RYR1: variants seen among roughly 807,000 people sequenced by gnomAD.
The protein encoded by RYR1 is ryanodine receptor 1.
Under a neutral mutation model 583.5 loss-of-function variants are expected in RYR1, and 342 were observed. The observed-to-expected ratio is 0.59, with a 90% CI of 0.54 to 0.64. The LOEUF is 0.64. RYR1 is among the 30% of genes least tolerant of loss of function. The probability of loss-of-function intolerance (pLI) is 0.00; values close to 1 mark genes in which losing one functional copy is unlikely to be tolerated. For missense variants in RYR1, 6,032 were observed against 6,917.2 expected (o/e 0.87, Z 4.54); for synonymous variants, 2,791 against 2,822.5 (o/e 0.99, Z 0.35).
chr19:38,580,251 G>A (rs1974138869), intron 100 of RYR1, 119 bp from the exon 101 acceptor site: 1 of 1,589,044 alleles, frequency 6.3e-7, no homozygotes, highest in Non-Finnish European at 8.6e-7. Flanking sequence ...CTGAGCCGGG[G>A]GTGTGTGGGG....
chr19:38,442,221 T>TGGGGTG (rs1972720879), intron 2 of RYR1, 128 bp from the exon 3 acceptor site: 1 of 556,974 alleles, frequency 1.8e-6, no homozygotes, highest in Admixed American at 2.7e-5. Context: ...GGCCTTCCTG[T>TGGGGTG]GGGGTGGGGG....
intron 20 of RYR1, 106 bp from the exon 21 acceptor site, chr19:38,463,317 G>C (rs910684597): frequency 1.1e-6 from 1 of 885,488 alleles, no homozygotes; most frequent in Non-Finnish European, 1.8e-6. Context: ...GGGAAAGGGG[G>C]TGCTGGAGGA....
intron 37 of RYR1, among the ~76,000 whole-genome samples, chr19:38,491,855 A>T (rs1275858870): frequency 1.3e-5 from 2 of 151,960 alleles, no homozygotes; most frequent in Non-Finnish European, 2.9e-5. Flanking sequence ...ATAATTTTTT[A>T]TTTCAGTTAT....
chr19:38,508,737 C>T (rs1452226942), intron 58 of RYR1, among the ~76,000 whole-genome samples: 1 of 152,082 alleles, frequency 6.6e-6, no homozygotes, highest in East Asian at 1.9e-4. Flanking sequence ...GTGAGATAAA[C>T]GAGGTCACAG....
intron 57 of RYR1, 145 bp downstream of exon 57, chr19:38,507,097 G>T: frequency 2.2e-6 from 3 of 1,345,144 alleles, no homozygotes; most frequent in South Asian, 2.6e-5. Flanking sequence ...AGCTAAGGGA[G>T]TGGGGCCTGG....
Position 38,561,638 on chromosome 19 carries a change from C to T in RYR1, c.12624+184C>T, listed in dbSNP as rs934995069. 5.3e-5 allele frequency among the ~76,000 whole-genome samples: 8 copies of T among 152,212 alleles called. No homozygotes were observed. The highest frequency in any genetic ancestry group is 1.9e-4 in the African/African-American group (8 of 41,464). On this transcript the variant is annotated intron_variant, in intron 90 of 105. Transcript: ENST00000359596. The surrounding 1 kb of genome is among the most constrained non-coding windows in gnomAD (Gnocchi z 4.8). ...GCTGCGCCCTTGCACATCCCTGGCT[C>T]GCCCCTGGCCACTTCTTGCGGACCT...
At chr19:38,480,930 A>G (rs755474590) in intron 31 of RYR1, among the ~76,000 whole-genome samples, 1 of 151,274 alleles carries the variant, frequency 6.6e-6, no homozygotes, top group Non-Finnish European at 1.5e-5. Context: ...GTCTGGCTAT[A>G]TTGCCCAGCC....
chr19:38,494,416 C>A lies in RYR1; in HGVS notation c.6339C>A (p.Ser2113Arg). 1 of 1,612,132 alleles carries A rather than the reference C, an allele frequency of 6.2e-7. No individual in the cohort carries two copies. Among genetic ancestry groups the A allele is most frequent in the Non-Finnish European group, 8.5e-7 (1 of 1,180,024 alleles). The part of the protein sequence containing the change: ...VRWAQEDFVQ[S>R]PELVRAMFSL... The stretch of plus-strand genomic sequence containing the variant: ...GGGCCCAAGAGGACTTCGTGCAGAG[C>A]CCCGAGCTGGTGCGGGCCATGTTCA... Residue 2113 changes from serine to arginine, a missense_variant, in exon 39 of 106, where the codon AGC (serine) becomes AGA (arginine). Ser to Arg is a moderately radical substitution (Grantham distance 110). Around this residue, in one of 11 missense-constraint regions of RYR1, gnomAD observed 2,627 missense variants for 2,961.3 expected, o/e 0.89. Transcript: ENST00000359596.
At position 38,463,314 on chromosome 19, in the gene RYR1, G is replaced by C. The variant is rs554482501; in HGVS notation, c.2578-109G>C. On this transcript the variant is annotated intron_variant, in intron 20 of 105. Transcript: ENST00000359596. ...GCAGGGCTGCTGGATGGTGGGAAAGGGGGTGCTGGAGGAGCCTCCCAGGGC... is the reference window on the plus strand; with the variant it reads ...GCAGGGCTGCTGGATGGTGGGAAAGCGGGTGCTGGAGGAGCCTCCCAGGGC... 3.1e-3 allele frequency: 2,621 copies of C among 852,962 alleles called. 9 individuals are homozygous for C. The highest frequency in any genetic ancestry group is 5.5e-3 in the Admixed American group (277 of 50,216). 52.8% of individuals were successfully genotyped at this position (852,962 alleles called of 1,614,324 possible).
chr19:38,459,474 C>T, intron 19 of RYR1, 136 bp downstream of exon 19: 2 of 828,252 alleles, frequency 2.4e-6, no homozygotes, highest in East Asian at 2.7e-5. Flanking sequence ...TGTCCAGAAC[C>T]CTTACTTGAA....
At chr19:38,470,154 G>A (rs1305532130) in intron 27 of RYR1, among the ~76,000 whole-genome samples, 6 of 144,438 alleles carry the variant, frequency 4.2e-5, no homozygotes, top group African/African-American at 7.8e-5. Flanking sequence ...CAAGGAGAGC[G>A]AAACTCCATC....
chr19:38,492,411 T>A (rs1969591513), intron 37 of RYR1, 79 bp from the exon 38 acceptor site: 2 of 1,489,664 alleles, frequency 1.3e-6, no homozygotes, highest in Admixed American at 3.4e-5. Flanking sequence ...CATGCACATA[T>A]GCACAAATAA....
intron 20 of RYR1, among the ~76,000 whole-genome samples, chr19:38,461,211 G>A (rs534422531): frequency 1.3e-5 from 2 of 152,174 alleles, no homozygotes; most frequent in African/African-American, 4.8e-5. Flanking sequence ...TGGGGGCCTC[G>A]CGCTTGAGCC....
chr19:38,458,383 C>A, intron 18 of RYR1, 91 bp downstream of exon 18: 2 of 1,334,366 alleles, frequency 1.5e-6, no homozygotes, highest in Non-Finnish European at 2.1e-6. Context: ...TTCTCAGGAT[C>A]CTGACTCCCT....
Position 38,483,586 on chromosome 19 carries a change from G to A in RYR1, c.4934+70G>A. 7.3e-7 allele frequency: 1 copy of A among 1,363,892 alleles called. No homozygotes were observed. The highest frequency in any genetic ancestry group is 1.0e-6 in the Non-Finnish European group (1 of 992,454). The allele number at this position is 1,363,892 out of a possible 1,614,324, so 84.5% of individuals were successfully genotyped here. The stretch of plus-strand genomic sequence containing the variant: ...CCCTCTGGGGTCTGGGTCCCACTCA[G>A]TGCCCCTCCTCAACACAACCCCGGG... On this transcript the variant is annotated intron_variant, in intron 33 of 105. Transcript: ENST00000359596. This position sits in a 1 kb window ranked among gnomAD's most constrained non-coding sequence, Gnocchi z 6.3.
chr19:38,512,710 T>G lies in RYR1; in HGVS notation c.9472+227T>G, dbSNP rs1391041854. ...CTGGCGCAGTGACTCACACCTGTAA[T>G]TCCAGCACTTTGGGAGGCTGAGGCA... On this transcript the variant is annotated intron_variant, in intron 63 of 105. Transcript: ENST00000359596. This position sits in a 1 kb window ranked among gnomAD's most constrained non-coding sequence, Gnocchi z 5.1. Among the ~76,000 whole-genome samples the G allele has an allele frequency of 6.6e-6, 1 of 152,136 alleles. No homozygotes were observed. The highest frequency in any genetic ancestry group is 1.5e-5 in the Non-Finnish European group (1 of 68,026).
intron 29 of RYR1, among the ~76,000 whole-genome samples, chr19:38,476,397 C>T (rs1179850866): frequency 6.6e-6 from 1 of 152,132 alleles, no homozygotes; most frequent in Admixed American, 6.6e-5. Context: ...CGGGGTTTCA[C>T]CATATTGGCC....
chr19:38,475,529 G>A (rs1968678021), intron 29 of RYR1, 79 bp downstream of exon 29: 3 of 1,569,638 alleles, frequency 1.9e-6, no homozygotes. Context: ...TAGTGTGACA[G>A]TCCCCAGTAG....
rs71165560 is a variant in RYR1 at position 38,551,025 on chromosome 19, CTTTTTTTTTTTTTTTTTTTTTTTT to C, written c.12282+2621_12282+2644del. 8.9e-4 allele frequency among the ~76,000 whole-genome samples: 37 copies of C among 41,360 alleles called. 1 individual carries two copies. The highest frequency in any genetic ancestry group is 6.3e-3 in the Admixed American group (17 of 2,700). The allele number at this position is 41,360 out of a possible 152,430, so 27.1% of individuals were successfully genotyped here. On this transcript the variant is annotated intron_variant, in intron 89 of 105. Coordinates refer to ENST00000359596, the MANE Select transcript of RYR1 (RefSeq NM_000540.3). ...CATTTATATCAGTGTGGATTCACGG[CTTTTTTTTTTTTTTTTTTTTTTTT>C]TTTTTTTTTTTTTTTGAGACGGAGT...
Sources: gnomAD v4.1 joint callset for allele counts (sites outside exome capture counted in the v4.1 genomes callset) on GRCh38, gnomAD v4.1.1 for gene constraint, gnomAD v4.1.1 regional missense constraint, Gnocchi (gnomAD v3.1) non-coding constraint, MANE v1.5 for transcripts, NCBI Gene and HGNC (gene_info 2026-07-23, HGNC 2026-07-21) for gene names.